The following RELB variants were observed in gnomAD, a reference collection of about 807,000 sequenced individuals.
RELB encodes transcription factor RelB.
RELB carries 14 observed loss-of-function variants against 55.4 expected under a neutral mutation model. The observed-to-expected ratio is 0.25, with a 90% confidence interval of 0.17 to 0.40. The LOEUF is 0.40. RELB is among the 10% of genes least tolerant of loss of function. The pLI is 1.00. For missense variants in RELB, 669 were observed against 830.7 expected, an observed-to-expected ratio of 0.81 and a Z score of 2.39; for synonymous variants, 409 against 371.3, an observed-to-expected ratio of 1.10 and a Z score of -1.17.
At chr19:45,002,307 T>C (rs1031528140) in intron 1 of RELB, among the ~76,000 whole-genome samples, 11 of 152,092 alleles carry the variant, frequency 7.2e-5, no homozygotes, top group African/African-American at 2.2e-4. Flanking sequence ...ATTGAAAAAA[T>C]TAAAAGTGGT....
At chr19:45,025,299 A>G (rs760836007) in intron 5 of RELB, 30 bp from the exon 6 acceptor site, 24 of 1,526,410 alleles carry the variant, frequency 1.6e-5, no homozygotes, top group Non-Finnish European at 2.1e-5. Flanking sequence ...GCTCACGAGC[A>G]CTCCTCTCCC....
chr19:45,034,498 C>T lies in RELB; in HGVS notation c.1324C>T (p.Leu442=). The change falls in exon 11 of 12, where the codon CTG becomes TTG. Residue 442 remains leucine (L), a synonymous_variant. Transcript: ENST00000221452. ...SKRRKKKPAI[L]DHFLPNHGSG... is the part of the protein sequence containing the mutation. ...ACGGCGGAAGAAAAAGCCGGCCATC[C>T]TGGACCACTTCCTGCCCAACCACGG... The T allele has an allele frequency of 6.2e-7, 1 of 1,609,328 alleles. No individual in the cohort carries two copies. Among genetic ancestry groups the T allele is most frequent in the Non-Finnish European group, 8.5e-7 (1 of 1,177,868 alleles).
intron 7 of RELB, among the ~76,000 whole-genome samples, chr19:45,026,022 A>G (rs1971554803): frequency 6.6e-6 from 1 of 152,120 alleles, no homozygotes. Context: ...CGGGCAGGTC[A>G]CCTGAGAAGT....
In RELB at chr19:45,037,558, A is replaced by C. The variant is rs1600086258; in HGVS notation, c.1508A>C (p.Asp503Ala). The change falls in exon 12 of 12, where the codon GAC becomes GCC. Residue 503 changes from aspartate to alanine, a missense_variant. Physicochemically the swap from Asp to Ala is moderately radical, Grantham distance 126. Around this residue, in one of 3 missense-constraint regions of RELB, gnomAD observed 341 missense variants for 436.8 expected, o/e 0.78. Coordinates refer to ENST00000221452, the MANE Select transcript of RELB (RefSeq NM_006509.4). Reference protein sequence around the residue: ...PTAPTLFTMLDLLPPAPPHAS... With the variant: ...PTAPTLFTMLALLPPAPPHAS... ...GCCCCCACACTCTTCACCATGCTGG[A>C]CCTGCTGCCCCCGGCACCGCCACAC... 1 of 1,612,858 alleles carries C rather than the reference A, an allele frequency of 6.2e-7. No homozygotes were observed. Among genetic ancestry groups the C allele is most frequent in the Non-Finnish European group, 8.5e-7 (1 of 1,179,494 alleles).
intron 2 of RELB, chr19:45,008,586 G>A: frequency 2.2e-6 from 1 of 455,442 alleles, no homozygotes; most frequent in South Asian, 1.5e-5. Context: ...CAAATTGGGG[G>A]GACCTTGGCA....
chr19:45,027,057 G>A (rs1462479363), intron 7 of RELB, among the ~76,000 whole-genome samples: 1 of 151,680 alleles, frequency 6.6e-6, no homozygotes, highest in Non-Finnish European at 1.5e-5. Flanking sequence ...GCGAAACCCC[G>A]TCTCTACTAA....
chr19:45,010,163 C>T (rs900233576), intron 3 of RELB, among the ~76,000 whole-genome samples: 2 of 151,234 alleles, frequency 1.3e-5, no homozygotes, highest in Non-Finnish European at 2.9e-5. Flanking sequence ...ATTAGCCGGG[C>T]ATGGTGGTGC....
intron 7 of RELB, among the ~76,000 whole-genome samples, chr19:45,027,802 A>G (rs1055860821): frequency 1.3e-5 from 2 of 152,086 alleles, no homozygotes; most frequent in Non-Finnish European, 2.9e-5. Flanking sequence ...ACTCTCCTCA[A>G]GGAACCTTCT....
At chr19:45,008,265 AGAT>A (rs1971308034) in intron 2 of RELB, among the ~76,000 whole-genome samples, 1 of 152,324 alleles carries the variant, frequency 6.6e-6, no homozygotes, top group Admixed American at 6.5e-5. Flanking sequence ...CCCATTTTAC[AGAT>A]GAAGAAGCCA....
At chr19:45,018,220 T>A (rs184083976) in intron 4 of RELB, among the ~76,000 whole-genome samples, 44 of 152,046 alleles carry the variant, frequency 2.9e-4, no homozygotes, top group Non-Finnish European at 5.4e-4. Flanking sequence ...CTGGCTAACA[T>A]GGTGAAACCC....
In RELB at chr19:45,012,243, C is replaced by A; in HGVS notation, c.471C>A (p.Ser157Arg). ...CCGGCAGCATCCTTGGGGAGAGCAG[C>A]ACCGAGGCCAGCAAGACGCTGCCCG... ...RSAGSILGES[S>R]TEASKTLPAI... The change falls in exon 4 of 12, where the codon AGC becomes AGA. Residue 157 changes from serine (S) to arginine (R), a missense_variant. Physicochemically the swap from Ser to Arg is moderately radical, Grantham distance 110. Transcript: ENST00000221452. 1.4e-6 allele frequency: 2 copies of A among 1,449,196 alleles called. No homozygotes were observed. Among genetic ancestry groups the A allele is most frequent in the Admixed American group, 2.8e-5 (1 of 35,420 alleles). The allele number at this position is 1,449,196 out of a possible 1,614,324, so 89.8% of individuals were successfully genotyped here. A position where few individuals can be genotyped will look rare whatever the true frequency, so the allele number is the denominator to read the frequency against.
chr19:45,020,370 C>A (rs1971468973), intron 4 of RELB, among the ~76,000 whole-genome samples: 2 of 151,650 alleles, frequency 1.3e-5, no homozygotes, highest in South Asian at 4.2e-4. Context: ...ATTATAGATG[C>A]CTGTCACCAC....
At chr19:45,021,435 C>A (rs1365020070) in intron 4 of RELB, among the ~76,000 whole-genome samples, 2 of 122,882 alleles carry the variant, frequency 1.6e-5, no homozygotes, top group African/African-American at 6.3e-5. Flanking sequence ...CCAGCCTGGG[C>A]GACAGAGCGA....
At chr19:45,020,932 TAGG>T (rs1479427760) in intron 4 of RELB, among the ~76,000 whole-genome samples, 1 of 152,092 alleles carries the variant, frequency 6.6e-6, no homozygotes, top group Non-Finnish European at 1.5e-5. Flanking sequence ...CCCAGCGCTT[TAGG>T]AGGCCAAGGC....
intron 8 of RELB, among the ~76,000 whole-genome samples, chr19:45,030,078 G>A (rs1300291712): frequency 1.3e-5 from 2 of 151,978 alleles, no homozygotes; most frequent in African/African-American, 4.8e-5. Flanking sequence ...GAGGTGGGAG[G>A]ATCACTTGAG....
At chr19:45,009,948 G>A (rs1971328792) in intron 3 of RELB, 126 bp downstream of exon 3, 1 of 977,312 alleles carries the variant, frequency 1.0e-6, no homozygotes, top group East Asian at 2.4e-5. Context: ...CAGGACTGTG[G>A]AGGGATTTGA....
chr19:45,008,252 G>A (rs972493450), intron 2 of RELB, among the ~76,000 whole-genome samples: 2 of 152,032 alleles, frequency 1.3e-5, no homozygotes, highest in African/African-American at 4.8e-5. Context: ...CATTATTATT[G>A]TGCCCATTTT....
chr19:45,017,061 A>G (rs564054913), intron 4 of RELB, among the ~76,000 whole-genome samples: 1 of 152,146 alleles, frequency 6.6e-6, no homozygotes, highest in African/African-American at 2.4e-5. Flanking sequence ...TAGGGTCCAC[A>G]TCAGTGTCAA....
intron 2 of RELB, among the ~76,000 whole-genome samples, chr19:45,005,244 A>G (rs1458917176): frequency 1.3e-5 from 2 of 152,186 alleles, no homozygotes; most frequent in African/African-American, 4.8e-5. Flanking sequence ...GGGATGAGAA[A>G]TTATTTGCAT....
Sources: gnomAD v4.1 joint callset for allele counts (sites outside exome capture counted in the v4.1 genomes callset) on GRCh38, gnomAD v4.1.1 for gene constraint, gnomAD v4.1.1 regional missense constraint, MANE v1.5 for transcripts, NCBI Gene and HGNC (gene_info 2026-07-23, HGNC 2026-07-21) for gene names.